Variants in PTPRD observed in about 807,000 individuals in gnomAD.
The protein encoded by PTPRD is protein tyrosine phosphatase receptor type D, also known as receptor-type tyrosine-protein phosphatase delta.
PTPRD carries 34 observed loss-of-function variants against 214.5 expected under a neutral mutation model. The observed-to-expected ratio is 0.16, with a 90% CI of 0.12 to 0.21. The LOEUF (loss-of-function observed/expected upper bound fraction) is 0.21. PTPRD is among the 10% of genes least tolerant of loss of function. PTPRD has a pLI of 1.00. For missense variants in PTPRD, 2,545 were observed against 2,398.7 expected (o/e 1.06, Z -1.27); for synonymous variants, 1,128 against 845.7 (o/e 1.33, Z -5.79).
intron 9 of PTPRD, among the ~76,000 whole-genome samples, chr9:9,211,827 T>G (rs2099948964): frequency 6.6e-6 from 1 of 151,880 alleles, no homozygotes; most frequent in Non-Finnish European, 1.5e-5. Context: ...CATTTTGAAA[T>G]TAAAGAACTT....
intron 10 of PTPRD, among the ~76,000 whole-genome samples, chr9:9,106,897 G>A (rs928981600): frequency 6.6e-6 from 1 of 152,070 alleles, no homozygotes; most frequent in Non-Finnish European, 1.5e-5. Context: ...GTCTGTATGT[G>A]TTTGTGATAA....
At chr9:9,381,291 C>T (rs1016580437) in intron 9 of PTPRD, among the ~76,000 whole-genome samples, 3 of 151,404 alleles carry the variant, frequency 2.0e-5, no homozygotes, top group Non-Finnish European at 4.4e-5. Flanking sequence ...TCTTTTACTG[C>T]CTTGAGTAGT....
intron 11 of PTPRD, among the ~76,000 whole-genome samples, chr9:8,935,164 G>T (rs965077400): frequency 6.6e-6 from 1 of 152,066 alleles, no homozygotes; most frequent in Non-Finnish European, 1.5e-5. Flanking sequence ...AAGTAAAATT[G>T]CCTCTGTTTG....
At chr9:8,759,066 T>C (rs1278604151) in intron 11 of PTPRD, among the ~76,000 whole-genome samples, 1 of 151,756 alleles carries the variant, frequency 6.6e-6, no homozygotes, top group Non-Finnish European at 1.5e-5. Flanking sequence ...CATCTCACTC[T>C]GTCACCCAGG....
At chr9:8,676,444 G>A (rs2097420692) in intron 12 of PTPRD, among the ~76,000 whole-genome samples, 1 of 144,498 alleles carries the variant, frequency 6.9e-6, no homozygotes, top group South Asian at 2.2e-4. Context: ...GTGCAGTGGT[G>A]TGATCTCGGC....
At chr9:10,482,438 G>A (rs1053778252) in intron 2 of PTPRD, among the ~76,000 whole-genome samples, 4 of 151,724 alleles carry the variant, frequency 2.6e-5, no homozygotes, top group Non-Finnish European at 4.4e-5. Context: ...AATTAGGCAA[G>A]ATAAAGAAAT....
intron 2 of PTPRD, among the ~76,000 whole-genome samples, chr9:10,460,195 C>A (rs1176933014): frequency 6.6e-6 from 1 of 151,754 alleles, no homozygotes; most frequent in African/African-American, 2.4e-5. Context: ...GACCCGTAAA[C>A]TGAAAACTAG....
At chr9:9,274,954 G>C (rs1157518540) in intron 9 of PTPRD, among the ~76,000 whole-genome samples, 2 of 141,872 alleles carry the variant, frequency 1.4e-5, no homozygotes, top group Non-Finnish European at 3.0e-5. Flanking sequence ...CATGAAAAAA[G>C]TCTTTGAGAA....
rs1481609376 is a variant in PTPRD, at chr9:9,141,774, T to G, written c.-143+41530A>C. 4.0e-5 allele frequency among the ~76,000 whole-genome samples: 6 copies of G among 151,194 alleles called. No homozygotes were observed. In the East Asian group the frequency reaches 7.8e-4, roughly 20 times the overall value. On this transcript the variant is annotated intron_variant, in intron 10 of 45. Transcript: ENST00000381196. The stretch of plus-strand genomic sequence containing the variant: ...TATCTCATGCATATTAATATAAACA[T>G]ATTCATATATTATATATCTCTATAT...
intron 9 of PTPRD, among the ~76,000 whole-genome samples, chr9:9,374,879 T>G (rs1191557657): frequency 6.6e-6 from 1 of 152,188 alleles, no homozygotes; most frequent in Non-Finnish European, 1.5e-5. Flanking sequence ...ATTATTGTTA[T>G]TAATATCCTA....
At chr9:10,353,759 C>A (rs536740786) in intron 2 of PTPRD, among the ~76,000 whole-genome samples, 7 of 151,822 alleles carry the variant, frequency 4.6e-5, no homozygotes, top group African/African-American at 1.7e-4. Flanking sequence ...AAACCCTATT[C>A]ATTAACTTTA....
At chr9:9,053,387 G>A (rs536511079) in intron 10 of PTPRD, among the ~76,000 whole-genome samples, 1 of 138,352 alleles carries the variant, frequency 7.2e-6, no homozygotes, top group Non-Finnish European at 1.6e-5. Flanking sequence ...GATGGCCAAT[G>A]ATGATGATGA....
rs181115168 is a variant in PTPRD at position 10,493,486 on chromosome 9, C to T, written c.-600+118912G>A. ...TGACCTTTGACAAACCTGACAGAAA[C>T]AAGCAATGGGGAAAGGATTCCCTAT... On this transcript the variant is annotated intron_variant, in intron 2 of 45. Coordinates refer to ENST00000381196, the MANE Select transcript of PTPRD (RefSeq NM_002839.4). 6.6e-5 allele frequency among the ~76,000 whole-genome samples: 10 copies of T among 152,182 alleles called. No homozygotes were observed. The East Asian group carries it at 1.7e-3, about 27-fold the overall frequency.
chr9:9,445,316 G>A (rs536867927), intron 8 of PTPRD, among the ~76,000 whole-genome samples: 1 of 152,254 alleles, frequency 6.6e-6, no homozygotes, highest in South Asian at 2.1e-4. Flanking sequence ...AGTCAGTTAT[G>A]CATGCCATTG....
chr9:9,360,698 A>G (rs902570185), intron 9 of PTPRD, among the ~76,000 whole-genome samples: 1 of 151,186 alleles, frequency 6.6e-6, no homozygotes, highest in Non-Finnish European at 1.5e-5. Flanking sequence ...TAGCAATTAT[A>G]AGTTATTTTC....
At position 9,944,427 on chromosome 9, in the gene PTPRD, G is replaced by T. The variant is rs185083731; in HGVS notation, c.-471-5817C>A. Among the ~76,000 whole-genome samples the T allele has an allele frequency of 8.4e-4, 128 of 152,126 alleles. 1 individual carries two copies. Among genetic ancestry groups the T allele is most frequent in the African/African-American group, 2.9e-3 (119 of 41,508 alleles). On this transcript the variant is annotated intron_variant, in intron 4 of 45. Transcript: ENST00000381196. Reference sequence around the variant, plus strand: ...TAAAATACAGGAGTACAAATAAAATGCACACACATTTCTTTCTCCATATGA... The same window carrying T: ...TAAAATACAGGAGTACAAATAAAATTCACACACATTTCTTTCTCCATATGA...
chr9:9,773,193 G>T (rs1187787887), intron 5 of PTPRD, among the ~76,000 whole-genome samples: 1 of 152,088 alleles, frequency 6.6e-6, no homozygotes, highest in Admixed American at 6.6e-5. Context: ...TCCCTTTAAT[G>T]TAAACCTCCT....
At chr9:9,431,034 A>C (rs2082891129) in intron 8 of PTPRD, among the ~76,000 whole-genome samples, 1 of 152,218 alleles carries the variant, frequency 6.6e-6, no homozygotes, top group African/African-American at 2.4e-5. Context: ...AATGGCAACA[A>C]AAGCCAAAAT....
chr9:9,648,660 C>T (rs567402165), intron 7 of PTPRD, among the ~76,000 whole-genome samples: 1 of 152,092 alleles, frequency 6.6e-6, no homozygotes, highest in African/African-American at 2.4e-5. Context: ...TAGCACAAAA[C>T]CATATTTTGT....
Sources: gnomAD v4.1 joint callset for allele counts (sites outside exome capture counted in the v4.1 genomes callset) on GRCh38, gnomAD v4.1.1 for gene constraint, MANE v1.5 for transcripts, NCBI Gene and HGNC (gene_info 2026-07-23, HGNC 2026-07-21) for gene names.